The following RFX3 variants were observed in gnomAD, a reference collection of about 807,000 sequenced individuals.
RFX3 encodes regulatory factor X3.
RFX3 carries 14 observed loss-of-function variants against 98.6 expected under a neutral mutation model. The observed-to-expected ratio is 0.14, with a 90% confidence interval of 0.09 to 0.22. The LOEUF is 0.22. Among genes scored for constraint, RFX3 ranks in the 10% least tolerant of loss-of-function variants. RFX3 has a pLI of 1.00. For missense variants in RFX3, 639 were observed against 926.9 expected (o/e 0.69, Z 4.03); for synonymous variants, 383 against 328.4 (o/e 1.17, Z -1.80).
chr9:3,374,044 C>G (rs750951879), intron 2 of RFX3, among the ~76,000 whole-genome samples: 7 of 152,072 alleles, frequency 4.6e-5, no homozygotes, highest in African/African-American at 7.3e-5. Context: ...CACCACTACA[C>G]TCCAGCCTGG....
intron 2 of RFX3, among the ~76,000 whole-genome samples, chr9:3,372,680 G>A (rs1187409982): frequency 2.0e-5 from 3 of 151,618 alleles, no homozygotes; most frequent in South Asian, 2.1e-4. Context: ...CTGCCTCCAG[G>A]GTTCGAGTGA....
intron 1 of RFX3, among the ~76,000 whole-genome samples, chr9:3,465,107 T>C (rs1471324143): frequency 6.6e-6 from 1 of 152,152 alleles, no homozygotes. Context: ...CATAACAATA[T>C]GCAGGTCATT....
intron 2 of RFX3, among the ~76,000 whole-genome samples, chr9:3,367,250 G>C (rs2131496505): frequency 6.6e-6 from 1 of 152,230 alleles, no homozygotes; most frequent in East Asian, 1.9e-4. Flanking sequence ...AGGCCGTATT[G>C]TTGCTTTGAA....
chr9:3,321,675 T>A (rs1024068892), intron 4 of RFX3, among the ~76,000 whole-genome samples: 4 of 152,208 alleles, frequency 2.6e-5, no homozygotes, highest in African/African-American at 9.6e-5. Context: ...ATTGTGGTTT[T>A]CTCAGCAGGA....
At chr9:3,256,845 G>T in intron 14 of RFX3, 146 bp downstream of exon 14, 1 of 706,616 alleles carries the variant, frequency 1.4e-6, no homozygotes. Flanking sequence ...CACTGAGTTG[G>T]GTTGAAGGTA....
intron 1 of RFX3, among the ~76,000 whole-genome samples, chr9:3,485,771 C>T (rs1044725557): frequency 6.6e-6 from 1 of 152,078 alleles, no homozygotes; most frequent in Non-Finnish European, 1.5e-5. Flanking sequence ...CAATACATTT[C>T]CAAGCAATTA....
intron 1 of RFX3, among the ~76,000 whole-genome samples, chr9:3,441,831 A>G (rs1313121935): frequency 6.6e-6 from 1 of 151,410 alleles, no homozygotes; most frequent in African/African-American, 2.4e-5. Context: ...ACTCTATAAA[A>G]CCCTCCCCTC....
At chr9:3,483,951 C>G (rs1008583332) in intron 1 of RFX3, among the ~76,000 whole-genome samples, 36 of 152,134 alleles carry the variant, frequency 2.4e-4, no homozygotes, top group African/African-American at 3.9e-4. Flanking sequence ...ATCTATGGGC[C>G]AGATATATTA....
At chr9:3,510,817 G>C (rs1251568664) in intron 1 of RFX3, among the ~76,000 whole-genome samples, 1 of 151,890 alleles carries the variant, frequency 6.6e-6, no homozygotes, top group Non-Finnish European at 1.5e-5. Flanking sequence ...CTTTATACTG[G>C]TGTTTTCTTC....
intron 1 of RFX3, among the ~76,000 whole-genome samples, chr9:3,448,299 GGA>G (rs1469019294): frequency 6.6e-6 from 1 of 152,064 alleles, no homozygotes; most frequent in Non-Finnish European, 1.5e-5. Context: ...TTCCAAAAAA[GGA>G]GAGTCAAAAA....
intron 1 of RFX3, among the ~76,000 whole-genome samples, chr9:3,401,360 C>A (rs1217261451): frequency 1.3e-5 from 2 of 152,190 alleles, no homozygotes; most frequent in South Asian, 2.1e-4. Flanking sequence ...AGGATCATCA[C>A]ATGAGAGCAG....
intron 1 of RFX3, among the ~76,000 whole-genome samples, chr9:3,409,779 G>A (rs912712511): frequency 6.6e-6 from 1 of 152,284 alleles, no homozygotes; most frequent in South Asian, 2.1e-4. Context: ...TAATTGGCCT[G>A]CTTCCCAAAA....
chr9:3,261,038 A>G (rs1822818470), intron 13 of RFX3, among the ~76,000 whole-genome samples: 1 of 151,808 alleles, frequency 6.6e-6, no homozygotes, highest in African/African-American at 2.4e-5. Flanking sequence ...TTTAAATGAC[A>G]AAACTAGGCA....
rs1189576671 is a variant in RFX3 at position 3,239,913 on chromosome 9, C to T, written c.1968+8119G>A. 4.6e-5 allele frequency among the ~76,000 whole-genome samples: 7 copies of T among 152,180 alleles called. No individual in the cohort carries two copies. In the East Asian group the frequency reaches 1.4e-3, roughly 29 times the overall value. ...CCGTGGCTCTGAGTTCCCTTCCAGG[C>T]CCTGGCAGTTCTCTTCTCCAACTCT... On this transcript the variant is annotated intron_variant, in intron 15 of 16. Transcript: ENST00000617270.
In RFX3 at chr9:3,339,577, C is replaced by G. The variant is rs7865543; in HGVS notation, c.215+7090G>C. 2.7e-3 allele frequency among the ~76,000 whole-genome samples: 409 copies of G among 152,258 alleles called. 2 individuals carry two copies. Among genetic ancestry groups the G allele is most frequent in the African/African-American group, 9.4e-3 (392 of 41,546 alleles). On this transcript the variant is annotated intron_variant, in intron 3 of 16. Coordinates refer to ENST00000617270, the MANE Select transcript of RFX3 (RefSeq NM_001282116.2). ...CTCCTGTCTCACTGATCATTCAATG[C>G]TAATCTTTAATTCATTCAACAAATA...
rs963968031 is a variant in RFX3 at position 3,219,947 on chromosome 9, C to G, written c.*5095G>C. Reference sequence around the variant, plus strand: ...CTGCAGACAACACTGCTTTCATGTTCGATCACGCAGGGAACAGAGGGAATC... The same window carrying G: ...CTGCAGACAACACTGCTTTCATGTTGGATCACGCAGGGAACAGAGGGAATC... On this transcript the variant is annotated 3_prime_UTR_variant, in exon 17 of 17. Transcript: ENST00000617270. The G allele has an allele frequency of 6.6e-6, 1 of 152,122 alleles. No homozygotes were observed. The highest frequency in any genetic ancestry group is 1.9e-4 in the East Asian group (1 of 5,200). The allele number at this position is 152,122 out of a possible 1,614,324, so 9.4% of individuals were successfully genotyped here.
At chr9:3,320,719 C>T (rs888865302) in intron 4 of RFX3, among the ~76,000 whole-genome samples, 2 of 138,000 alleles carry the variant, frequency 1.4e-5, no homozygotes, top group Admixed American at 7.2e-5. Flanking sequence ...TATATACATA[C>T]ATACACACAC....
At chr9:3,286,524 C>CCAG (rs1293228548) in intron 7 of RFX3, among the ~76,000 whole-genome samples, 2 of 151,730 alleles carry the variant, frequency 1.3e-5, no homozygotes, top group East Asian at 3.9e-4. Flanking sequence ...GAAATTATGA[C>CCAG]TGTGTAAAAA....
At chr9:3,282,583 G>T (rs1826048806) in intron 7 of RFX3, among the ~76,000 whole-genome samples, 12 of 151,734 alleles carry the variant, frequency 7.9e-5, no homozygotes, top group Admixed American at 7.9e-4. Flanking sequence ...AGGTGCTGAG[G>T]ATGCAGTGCT....
Sources: allele counts gnomAD v4.1 joint callset (sites outside exome capture counted in the v4.1 genomes callset), GRCh38; gene constraint gnomAD v4.1.1; transcripts MANE v1.5; gene names NCBI Gene and HGNC (gene_info 2026-07-23, HGNC 2026-07-21).